TTN: variants seen among roughly 807,000 people sequenced by gnomAD.
The protein encoded by TTN is titin, also known as connectin.
TTN carries 1,525 observed loss-of-function variants against 3,223.0 expected under a neutral mutation model. That is an observed-to-expected ratio of 0.47 (90% CI 0.45 to 0.49). The LOEUF (loss-of-function observed/expected upper bound fraction) is 0.49. Ranked by LOEUF, TTN falls within the 20% of genes least tolerant of loss-of-function variation. The pLI is 0.00. For missense variants in TTN, 40,786 were observed against 43,424.0 expected, an observed-to-expected ratio of 0.94 and a Z score of 5.40; for synonymous variants, 14,094 against 15,161.0, an observed-to-expected ratio of 0.93 and a Z score of 5.17.
At chr2:178,676,321 G>A (rs909013704) in intron 147 of TTN, among the ~76,000 whole-genome samples, 2 of 151,758 alleles carry the variant, frequency 1.3e-5, no homozygotes, top group Admixed American at 1.3e-4. Context: ...GTAATTTATT[G>A]TCTAGAAAGT....
chr2:178,630,253 G>A lies in TTN; in HGVS notation c.44269C>T (p.Leu14757Phe). 6.2e-7 allele frequency: 1 copy of A among 1,612,988 alleles called. No homozygotes were observed. Among genetic ancestry groups the A allele is most frequent in the Non-Finnish European group, 8.5e-7 (1 of 1,179,404 alleles). The change falls in exon 239 of 363, where the codon CTC (leucine) becomes TTC (phenylalanine). Residue 14757 changes from leucine (L) to phenylalanine (F), a missense_variant. Leu to Phe is a conservative substitution (Grantham distance 22). Transcript: ENST00000589042. ...ATACAATACTTACGCTTAACTCGGA[G>A]GTGGGCACTAGATTTAACATTGGCA... ...QAANVKSSAHLRVKPRVIGLL... is the reference protein window; with the variant it reads ...QAANVKSSAHFRVKPRVIGLL...
rs760750842 is a variant in TTN at position 178,561,748 on chromosome 2, A to G, written c.84384T>C (p.Arg28128=). The stretch of plus-strand genomic sequence containing the variant: ...TTCCATAGCGGTTTTCTGCACAAAC[A>G]CGGAACTGATACTCACTTCCTGTTG... ...RLTTGSEYQF[R]VCAENRYGKS... Residue 28128 remains arginine, a synonymous_variant, in exon 326 of 363, where the codon CGT becomes CGC. Coordinates refer to ENST00000589042, the MANE Select transcript of TTN (RefSeq NM_001267550.2). 6.2e-7 allele frequency: 1 copy of G among 1,613,444 alleles called. No homozygotes were observed. Among genetic ancestry groups the G allele is most frequent in the Admixed American group, 1.7e-5 (1 of 59,976 alleles).
In TTN at chr2:178,654,184, TAGC is replaced by T. The variant is rs139167585; in HGVS notation, c.38380+21_38380+23del. 287,268 of 1,592,216 alleles carry T rather than the reference TAGC, an allele frequency of 0.18. 37,157 individuals carry two copies. Among genetic ancestry groups the T allele is most frequent in the Non-Finnish European group, 0.2 (235,244 of 1,177,670 alleles). ...AGGGGTACAGACAGTAAGTTATTCTTAGCAGAGGAGAGGGAATAAATACCTTTT... is the reference window on the plus strand; with the variant it reads ...AGGGGTACAGACAGTAAGTTATTCTTAGAGGAGAGGGAATAAATACCTTTT... On this transcript the variant is annotated intron_variant, in intron 193 of 362. Coordinates refer to ENST00000589042, the MANE Select transcript of TTN (RefSeq NM_001267550.2).
At chr2:178,582,884 T>C (rs1356392046) in intron 313 of TTN, 56 bp downstream of exon 313, 3 of 1,361,030 alleles carry the variant, frequency 2.2e-6, no homozygotes, top group East Asian at 4.8e-5. Context: ...GTAAATCCTA[T>C]TTACATCCCA....
chr2:178,591,623 G>A lies in TTN; in HGVS notation c.60196C>T (p.Pro20066Ser). The A allele has an allele frequency of 2.5e-6, 4 of 1,613,234 alleles. No homozygotes were observed. Among genetic ancestry groups the A allele is most frequent in the Non-Finnish European group, 3.4e-6 (4 of 1,179,500 alleles). ...VGLGLPDTTI[P>S]IECQEKLVPP... is the part of the protein sequence containing the mutation. ...CCTAGTTTTTCTTGACATTCTATCG[G>A]GATAGTTGTGTCAGGGAGACCAAGA... The change falls in exon 303 of 363, where the codon CCG (proline) becomes TCG (serine). Residue 20066 changes from proline to serine, a missense_variant. Physicochemically the swap from Pro to Ser is moderately conservative, Grantham distance 74 (BLOSUM62 -1). Coordinates refer to ENST00000589042, the MANE Select transcript of TTN (RefSeq NM_001267550.2).
intron 111 of TTN, among the ~76,000 whole-genome samples, chr2:178,699,277 A>G (rs1048903189): frequency 6.6e-6 from 1 of 151,412 alleles, no homozygotes; most frequent in African/African-American, 2.4e-5. Context: ...TAGGAGGAAG[A>G]GTAACAAGTG....
At position 178,728,744 on chromosome 2, in the gene TTN, A is replaced by C; in HGVS notation, c.19182T>G (p.Val6394=). 1 of 1,606,442 alleles carries C rather than the reference A, an allele frequency of 6.2e-7. No individual in the cohort carries two copies. Among genetic ancestry groups the C allele is most frequent in the Non-Finnish European group, 8.5e-7 (1 of 1,173,702 alleles). Residue 6394 remains valine, a synonymous_variant, in exon 66 of 363, where the codon GTT becomes GTG. Coordinates refer to ENST00000589042, the MANE Select transcript of TTN (RefSeq NM_001267550.2). ...PAQIVEKAKS[V]DVTEKDPMTL... Reference sequence around the variant, plus strand: ...TCATGGGATCTTTCTCCGTAACATCAACTGATTTAGCTTTCTCTACGATTT... The same window carrying C: ...TCATGGGATCTTTCTCCGTAACATCCACTGATTTAGCTTTCTCTACGATTT...
At position 178,621,633 on chromosome 2, in the gene TTN, T is replaced by A. The variant is rs1194753380; in HGVS notation, c.45191A>T (p.Tyr15064Phe). ...TTCAATGATCTCCTCATCCCCTTTA[T>A]ACCAAATCACTTCTGCGCCAGGTTT... ...VSKPGAEVIW[Y>F]KGDEEIIETG... Residue 15064 changes from tyrosine to phenylalanine, a missense_variant, in exon 245 of 363, where the codon TAT becomes TTT. Physicochemically the swap from Tyr to Phe is conservative, Grantham distance 22 (BLOSUM62 3). Coordinates refer to ENST00000589042, the MANE Select transcript of TTN (RefSeq NM_001267550.2). 1 of 1,612,400 alleles carries A rather than the reference T, an allele frequency of 6.2e-7. No homozygotes were observed. The highest frequency in any genetic ancestry group is 8.5e-7 in the Non-Finnish European group (1 of 1,179,106).
At position 178,756,652 on chromosome 2, in the gene TTN, A is replaced by G; in HGVS notation, c.10824T>C (p.Tyr3608=). The G allele has an allele frequency of 6.2e-7, 1 of 1,613,838 alleles. No individual in the cohort carries two copies. Among genetic ancestry groups the G allele is most frequent in the Non-Finnish European group, 8.5e-7 (1 of 1,179,804 alleles). The change falls in exon 46 of 363, where the codon TAT becomes TAC. Residue 3608 remains tyrosine (Y), a synonymous_variant. Coordinates refer to ENST00000589042, the MANE Select transcript of TTN (RefSeq NM_001267550.2). The part of the protein sequence containing the change: ...IKSFQGSSYE[Y]EVQVFESVSQ... ...ATACACTTTCAAAAACCTGCACTTC[A>G]TATTCATATGATGATCCTTGAAATG...
chr2:178,637,948 A>G (rs956137449), intron 223 of TTN, among the ~76,000 whole-genome samples: 10 of 152,062 alleles, frequency 6.6e-5, no homozygotes, highest in African/African-American at 2.2e-4. Flanking sequence ...CCTTTAGACA[A>G]TGAAGTAAGG....
Position 178,713,199 on chromosome 2 carries a change from T to G in TTN, c.26935A>C (p.Asn8979His), listed in dbSNP as rs376982715. The change falls in exon 93 of 363, where the codon AAT becomes CAT. Residue 8979 changes from asparagine to histidine, a missense_variant. Physicochemically the swap from Asn to His is moderately conservative, Grantham distance 68. Transcript: ENST00000589042. The part of the protein sequence containing the change: ...GRKYQTTLTD[N>H]TCALTVNMLE... The stretch of plus-strand genomic sequence containing the variant: ...ATGTTCACAGTTAAAGCACAAGTAT[T>G]ATCTGTCAGGGTGGTCTGGTATTTC... 3.3e-4 allele frequency: 534 copies of G among 1,613,732 alleles called. 1 individual carries two copies. Among genetic ancestry groups the G allele is most frequent in the Non-Finnish European group, 4.4e-4 (514 of 1,179,754 alleles).
At chr2:178,757,231 T>TACTGTACTTACTTTAAGTG (rs1252574568) in intron 45 of TTN, among the ~76,000 whole-genome samples, 1 of 148,870 alleles carries the variant, frequency 6.7e-6, no homozygotes, top group Non-Finnish European at 1.5e-5. Flanking sequence ...TAAGTAATAA[T>TACTGTACTTACTTTAAGTG]CAGCAAATAG....
chr2:178,570,091 T>G lies in TTN; in HGVS notation c.76041A>C (p.Glu25347Asp), dbSNP rs1310471153. 12 of 1,613,472 alleles carry G rather than the reference T, an allele frequency of 7.4e-6. No individual in the cohort carries two copies. In the South Asian group the frequency reaches 1.3e-4, roughly 18 times the overall value. Residue 25347 changes from glutamate to aspartate, a missense_variant, in exon 326 of 363, where the codon GAA becomes GAC. Physicochemically the swap from Glu to Asp is conservative, Grantham distance 45 (BLOSUM62 2). Coordinates refer to ENST00000589042, the MANE Select transcript of TTN (RefSeq NM_001267550.2). ...TATGGCATCTTGTCCATCTAATGCC[T>G]TCTTTATCCCGTTTCTCAAGAACAT... is the stretch of plus-strand genomic sequence containing the variant. ...LGYVLEKRDK[E>D]GIRWTRCHKR...
intron 121 of TTN, 37 bp downstream of exon 121, chr2:178,691,979 G>A: frequency 1.3e-6 from 2 of 1,561,958 alleles, no homozygotes; most frequent in Non-Finnish European, 1.7e-6. Flanking sequence ...GCTGGCACTT[G>A]GAGCAAAGAG....
chr2:178,798,569 C>T (rs1280158461), intron 6 of TTN: 1 of 152,158 alleles, frequency 6.6e-6, no homozygotes, highest in Admixed American at 6.5e-5. Flanking sequence ...ATTTACAAGG[C>T]ACTTTCAACT....
At position 178,779,028 on chromosome 2, in the gene TTN, G is replaced by A; in HGVS notation, c.4054C>T (p.Pro1352Ser). 6.2e-7 allele frequency: 1 copy of A among 1,613,278 alleles called. No homozygotes were observed. The highest frequency in any genetic ancestry group is 8.5e-7 in the Non-Finnish European group (1 of 1,179,730). ...LQDGRASLRI[P>S]VVLPEDEGIY... ...CCTTCATCTTCTGGAAGAACAACAG[G>A]TATACGCAGACTAGCTCTGCCATCT... is the stretch of plus-strand genomic sequence containing the variant. The change falls in exon 24 of 363, where the codon CCT (proline) becomes TCT (serine). Residue 1352 changes from proline to serine, a missense_variant. Pro to Ser is a moderately conservative substitution (Grantham distance 74, BLOSUM62 -1). Coordinates refer to ENST00000589042, the MANE Select transcript of TTN (RefSeq NM_001267550.2).
rs995663072 is a variant in TTN, at chr2:178,769,955, G to A, written c.8642-16C>T. The A allele has an allele frequency of 6.2e-7, 1 of 1,613,934 alleles. No homozygotes were observed. The highest frequency in any genetic ancestry group is 8.5e-7 in the Non-Finnish European group (1 of 1,179,996). ...ATATGTAATGCTTGGTAAAATCAAA[G>A]AGCACTTCAGTTAATACAATTTGTT... On this transcript the variant is annotated splice_polypyrimidine_tract_variant and intron_variant, in intron 36 of 362. Coordinates refer to ENST00000589042, the MANE Select transcript of TTN (RefSeq NM_001267550.2).
rs756694133 is a variant in TTN, at chr2:178,621,506, G to C, written c.45318C>G (p.Ser15106Arg). 3 of 1,612,442 alleles carry C rather than the reference G, an allele frequency of 1.9e-6. No homozygotes were observed. The highest frequency in any genetic ancestry group is 2.5e-6 in the Non-Finnish European group (3 of 1,179,080). ...CTTTGACTTTGCCATCGGTTCGAGA[G>C]CTTGGGAGTCGACAGTTGTAGTTGC... ...DAGNYNCRLPSSRTDGKVKVH... is the reference protein window; with the variant it reads ...DAGNYNCRLPRSRTDGKVKVH... The change falls in exon 245 of 363, where the codon AGC becomes AGG. Residue 15106 changes from serine (S) to arginine (R), a missense_variant. Transcript: ENST00000589042.
Position 178,608,682 on chromosome 2 carries a change from G to A in TTN, c.52329C>T (p.Phe17443=), listed in dbSNP as rs2055525946. Residue 17443 remains phenylalanine, a synonymous_variant, in exon 274 of 363, where the codon TTC becomes TTT. Coordinates refer to ENST00000589042, the MANE Select transcript of TTN (RefSeq NM_001267550.2). ...TKLIEGKEYL[F]RVRAENRFGP... is the part of the protein sequence containing the mutation. The stretch of plus-strand genomic sequence containing the variant: ...CAAATCTGTTTTCAGCTCTTACACG[G>A]AAGAGGTACTCTTTTCCTTCAATCA... 6.2e-7 allele frequency: 1 copy of A among 1,612,276 alleles called. No homozygotes were observed. The highest frequency in any genetic ancestry group is 8.5e-7 in the Non-Finnish European group (1 of 1,179,062).
Sources: allele counts gnomAD v4.1 joint callset (sites outside exome capture counted in the v4.1 genomes callset), GRCh38; gene constraint gnomAD v4.1.1; transcripts MANE v1.5; gene names NCBI Gene and HGNC (gene_info 2026-07-23, HGNC 2026-07-21).